The following NIPA2 variants were observed in gnomAD, a reference collection of about 807,000 sequenced individuals.
The protein encoded by NIPA2 is NIPA magnesium transporter 2, also known as magnesium transporter NIPA2.
A neutral mutation model predicts 29.7 loss-of-function variants in NIPA2; 11 were observed. That is an observed-to-expected ratio of 0.37 (90% confidence interval 0.23 to 0.61). NIPA2 has a LOEUF of 0.61. Ranked by LOEUF, NIPA2 falls within the 20% of genes least tolerant of loss-of-function variation. The pLI is 0.66. For synonymous variants in NIPA2, 183 were observed against 161.9 expected, an observed-to-expected ratio of 1.13 and a Z score of -0.99; for missense variants, 426 against 437.9, an observed-to-expected ratio of 0.97 and a Z score of 0.24.
intron 3 of NIPA2, among the ~76,000 whole-genome samples, chr15:22,849,949 C>T (rs1272639656): frequency 6.6e-6 from 1 of 151,996 alleles, no homozygotes; most frequent in South Asian, 2.1e-4. Context: ...ATCCTTGTAC[C>T]TTTTGAGCAC....
chr15:22,840,250 G>GTAGTAAA (rs10652532), intron 2 of NIPA2, among the ~76,000 whole-genome samples: 3,875 of 151,184 alleles, frequency 0.026, 155 homozygotes, highest in African/African-American at 0.089. Context: ...TGGAAACCAG[G>GTAGTAAA]TAGTAAAGAT....
intron 4 of NIPA2, 55 bp downstream of exon 4, chr15:22,851,925 A>G (rs914251201): frequency 3.4e-6 from 5 of 1,477,464 alleles, no homozygotes; most frequent in African/African-American, 1.4e-5. Flanking sequence ...CTACATGCAC[A>G]GGTTCTTTGT....
At chr15:22,864,816 G>C (rs2058869991) in intron 7 of NIPA2, among the ~76,000 whole-genome samples, 1 of 152,050 alleles carries the variant, frequency 6.6e-6, no homozygotes, top group African/African-American at 2.4e-5. Flanking sequence ...CTCTGTACCA[G>C]TTATTAGTTA....
chr15:22,848,542 T>C (rs1332059415), intron 3 of NIPA2, among the ~76,000 whole-genome samples: 1 of 151,934 alleles, frequency 6.6e-6, no homozygotes, highest in African/African-American at 2.4e-5. Flanking sequence ...ATTATTCCAT[T>C]TGGCTGGGGT....
At position 22,839,659 on chromosome 15, in the gene NIPA2, G is replaced by C. The variant is rs1400234326; in HGVS notation, c.-347G>C. 1 of 152,134 alleles carries C rather than the reference G, an allele frequency of 6.6e-6. No individual in the cohort carries two copies. Among genetic ancestry groups the C allele is most frequent in the East Asian group, 1.9e-4 (1 of 5,198 alleles). The allele number at this position is 152,134 out of a possible 1,614,324, so 9.4% of individuals were successfully genotyped here. On this transcript the variant is annotated 5_prime_UTR_variant, in exon 2 of 8. Transcript: ENST00000337451. ...TCTGTGTTTTCTTCTTTCTAGGCTG[G>C]AGCTACTCGGCCAGGGTTTAAGACT...
chr15:22,862,053 T>C (rs1385449584), intron 7 of NIPA2, among the ~76,000 whole-genome samples: 2 of 142,814 alleles, frequency 1.4e-5, no homozygotes, highest in African/African-American at 2.6e-5. Flanking sequence ...GTCTCTCTTT[T>C]TTTTTTTTTT....
rs2058565397 is a variant in NIPA2 at position 22,860,797 on chromosome 15, A to G, written c.448+8A>G. The G allele has an allele frequency of 6.3e-7, 1 of 1,577,474 alleles. No individual in the cohort carries two copies. The highest frequency in any genetic ancestry group is 1.7e-4 in the Middle Eastern group (1 of 5,998). On this transcript the variant is annotated splice_region_variant and intron_variant, in intron 7 of 7. Transcript: ENST00000337451. ...ACAAGCTAGGTGATCCAGGTAAGAA[A>G]AAAGTCTTATTAGTCTTACTGTATT...
chr15:22,857,394 G>T (rs1183414501), intron 5 of NIPA2, among the ~76,000 whole-genome samples: 1 of 150,044 alleles, frequency 6.7e-6, no homozygotes, highest in Non-Finnish European at 1.5e-5. Flanking sequence ...CCAAGATCAC[G>T]CACGCCATTG....
At chr15:22,843,905 C>G (rs1243628501) in intron 2 of NIPA2, among the ~76,000 whole-genome samples, 1 of 152,020 alleles carries the variant, frequency 6.6e-6, no homozygotes, top group African/African-American at 2.4e-5. Flanking sequence ...ACCATGTTGG[C>G]CAGGCTGGTC....
intron 4 of NIPA2, among the ~76,000 whole-genome samples, chr15:22,853,003 C>T (rs969568522): frequency 3.9e-5 from 6 of 152,146 alleles, no homozygotes; most frequent in African/African-American, 1.4e-4. Context: ...AAGAGGTGCT[C>T]TCACTGTTCA....
chr15:22,844,427 G>A (rs970743788), intron 2 of NIPA2, among the ~76,000 whole-genome samples: 2 of 151,974 alleles, frequency 1.3e-5, no homozygotes, highest in Admixed American at 6.6e-5. Flanking sequence ...GGCAGTACAC[G>A]TCTGTAATCC....
intron 7 of NIPA2, among the ~76,000 whole-genome samples, chr15:22,863,850 T>A (rs1341057257): frequency 6.6e-6 from 1 of 152,192 alleles, no homozygotes; most frequent in Non-Finnish European, 1.5e-5. Context: ...ATTTTGGCCC[T>A]TTAAGTCCTG....
At chr15:22,848,344 T>C (rs944228396) in intron 3 of NIPA2, among the ~76,000 whole-genome samples, 4 of 152,126 alleles carry the variant, frequency 2.6e-5, no homozygotes, top group African/African-American at 9.7e-5. Context: ...ATCGGTTACA[T>C]TTTAGGATGC....
intron 2 of NIPA2, among the ~76,000 whole-genome samples, chr15:22,842,886 C>CGG (rs1206891941): frequency 6.7e-6 from 1 of 149,804 alleles, no homozygotes; most frequent in Non-Finnish European, 1.5e-5. Context: ...GCCTGTAGTC[C>CGG]CAGCTACTCG....
intron 3 of NIPA2, among the ~76,000 whole-genome samples, chr15:22,845,797 T>C (rs1898465837): frequency 6.6e-6 from 1 of 152,088 alleles, no homozygotes; most frequent in African/African-American, 2.4e-5. Context: ...CATATGCACA[T>C]GATGGACCCA....
intron 7 of NIPA2, among the ~76,000 whole-genome samples, chr15:22,863,878 T>C (rs1194608718): frequency 6.6e-6 from 1 of 152,178 alleles, no homozygotes; most frequent in East Asian, 1.9e-4. Context: ...TGATGGCTCT[T>C]TGATGCCCTC....
chr15:22,856,796 C>G (rs751978103), intron 5 of NIPA2, among the ~76,000 whole-genome samples: 1 of 118,692 alleles, frequency 8.4e-6, no homozygotes, highest in Non-Finnish European at 2.1e-5. Flanking sequence ...CAAAGATCAG[C>G]AGGGAGAATG....
At position 22,845,263 on chromosome 15, in the gene NIPA2, A is replaced by C. The variant is rs1898277504; in HGVS notation, c.-98A>C. 1 of 151,994 alleles carries C rather than the reference A, an allele frequency of 6.6e-6. No homozygotes were observed. Among genetic ancestry groups the C allele is most frequent in the South Asian group, 2.1e-4 (1 of 4,810 alleles). 9.4% of individuals were successfully genotyped at this position (151,994 alleles called of 1,614,324 possible). A position where few individuals can be genotyped will look rare whatever the true frequency, so the allele number is the denominator to read the frequency against. On this transcript the variant is annotated 5_prime_UTR_variant, in exon 3 of 8. Transcript: ENST00000337451. ...ACATTCCCTCTGATGTCCTATTTTC[A>C]AACTGTAAGTCAGAATGAGATCACT...
chr15:22,858,119 C>T (rs944926972), intron 5 of NIPA2, among the ~76,000 whole-genome samples: 17 of 152,148 alleles, frequency 1.1e-4, no homozygotes, highest in East Asian at 5.8e-4. Flanking sequence ...AGAGGCTGGG[C>T]GCAGTGGCTC....
Sources: gnomAD v4.1 joint callset for allele counts (sites outside exome capture counted in the v4.1 genomes callset) on GRCh38, gnomAD v4.1.1 for gene constraint, MANE v1.5 for transcripts, NCBI Gene and HGNC (gene_info 2026-07-23, HGNC 2026-07-21) for gene names.